NEDD4L: variants seen among roughly 807,000 people sequenced by gnomAD.
NEDD4L encodes the protein NEDD4 like E3 ubiquitin protein ligase.
A neutral mutation model predicts 148.9 loss-of-function variants in NEDD4L; 54 were observed. That is an observed-to-expected ratio of 0.36 (90% CI 0.29 to 0.45). NEDD4L has a LOEUF of 0.45. Among genes scored for constraint, NEDD4L ranks in the 20% least tolerant of loss-of-function variants. The pLI is 1.00. For missense variants in NEDD4L, 856 were observed against 1,233.8 expected (o/e 0.69, Z 4.59); for synonymous variants, 433 against 440.7 (o/e 0.98, Z 0.22).
chr18:58,117,635 G>A (rs1357272134), intron 1 of NEDD4L, among the ~76,000 whole-genome samples: 1 of 152,204 alleles, frequency 6.6e-6, no homozygotes, highest in East Asian at 1.9e-4. Flanking sequence ...GCAATAGGGG[G>A]AGGTGTGGGC....
intron 24 of NEDD4L, among the ~76,000 whole-genome samples, chr18:58,382,474 G>A (rs1328609408): frequency 6.6e-6 from 1 of 152,222 alleles, no homozygotes; most frequent in Admixed American, 6.5e-5. Context: ...TAGGAGAGGT[G>A]TAGGTGCTAT....
At chr18:58,294,886 CAG>C (rs1477015095) in intron 5 of NEDD4L, among the ~76,000 whole-genome samples, 1 of 152,126 alleles carries the variant, frequency 6.6e-6, no homozygotes, top group Non-Finnish European at 1.5e-5. Flanking sequence ...ACAATAAAAA[CAG>C]AGCAGATACA....
chr18:58,328,956 A>C (rs769610951), intron 9 of NEDD4L, 39 bp from the exon 10 acceptor site: 18 of 1,612,444 alleles, frequency 1.1e-5, no homozygotes, highest in Non-Finnish European at 1.3e-5. Flanking sequence ...GATCTCAACC[A>C]CTTCTCTTCT....
intron 1 of NEDD4L, among the ~76,000 whole-genome samples, chr18:58,096,249 G>A (rs2084384876): frequency 6.6e-6 from 1 of 151,798 alleles, no homozygotes; most frequent in Non-Finnish European, 1.5e-5. Flanking sequence ...TTTGAATATT[G>A]AATCAATTAC....
At chr18:58,173,512 C>T (rs1288584728) in intron 2 of NEDD4L, among the ~76,000 whole-genome samples, 2 of 152,152 alleles carry the variant, frequency 1.3e-5, no homozygotes, top group Non-Finnish European at 2.9e-5. Context: ...GGCAGAAAGT[C>T]CTTCTGCTGC....
At position 58,341,235 on chromosome 18, in the gene NEDD4L, C is replaced by G. The variant is rs950938304; in HGVS notation, c.1257+66C>G. 3.9e-5 allele frequency: 60 copies of G among 1,554,976 alleles called. 1 individual carries two copies. The highest frequency in any genetic ancestry group is 5.1e-5 in the Non-Finnish European group (58 of 1,145,308). On this transcript the variant is annotated intron_variant, in intron 14 of 30. Transcript: ENST00000400345. Reference sequence around the variant, plus strand: ...AAGCCGAAATGTACATGACCGAACTCCTTTCCTGGTGTTTATGTATTGTTC... The same window carrying G: ...AAGCCGAAATGTACATGACCGAACTGCTTTCCTGGTGTTTATGTATTGTTC...
chr18:58,094,716 T>C (rs565059797), intron 1 of NEDD4L, among the ~76,000 whole-genome samples: 7 of 152,178 alleles, frequency 4.6e-5, no homozygotes, highest in African/African-American at 1.7e-4. Context: ...ATCATTTTGC[T>C]GAGTGGAGTG....
intron 1 of NEDD4L, among the ~76,000 whole-genome samples, chr18:58,094,212 T>TCTC (rs924692382): frequency 6.6e-6 from 1 of 150,908 alleles, no homozygotes; most frequent in Non-Finnish European, 1.5e-5. Context: ...TGAGATAGGG[T>TCTC]CTCCATCTGT....
rs1402302271 is a variant in NEDD4L at position 58,391,530 on chromosome 18, T to C, written c.2796T>C (p.Ser932=). The change falls in exon 30 of 31, where the codon AGT becomes AGC. Residue 932 remains serine (S), a synonymous_variant. Transcript: ENST00000400345. ...PQLFTIEQWG[S]PEKLPRAHTC... is the part of the protein sequence containing the mutation. ...TGTTTACAATAGAGCAATGGGGCAG[T>C]CCTGAGAAACTGCCCAGAGCTCACA... 1 of 1,582,002 alleles carries C rather than the reference T, an allele frequency of 6.3e-7. No individual in the cohort carries two copies. The highest frequency in any genetic ancestry group is 1.8e-5 in the Admixed American group (1 of 55,466).
intron 24 of NEDD4L, among the ~76,000 whole-genome samples, chr18:58,382,238 A>G (rs2048440787): frequency 6.6e-6 from 1 of 152,168 alleles, no homozygotes; most frequent in African/African-American, 2.4e-5. Flanking sequence ...GGGGCTCAGG[A>G]TCTCCTGGGT....
At chr18:58,149,519 A>G (rs1599115843) in intron 1 of NEDD4L, 3 of 1,551,304 alleles carry the variant, frequency 1.9e-6, no homozygotes, top group African/African-American at 2.7e-5. Flanking sequence ...TAAACCTTTA[A>G]TATTGTATTC....
At position 58,150,247 on chromosome 18, in the gene NEDD4L, G is replaced by A. The variant is rs559728481; in HGVS notation, c.49-15541G>A. The stretch of plus-strand genomic sequence containing the variant: ...GTTTTTATTAAATGTTGTTGTTATT[G>A]TTTTGAGACGGAGTTTCACTCTTGT... On this transcript the variant is annotated intron_variant, in intron 1 of 30. Transcript: ENST00000400345. Among the ~76,000 whole-genome samples, 3 of 152,288 alleles carry A rather than the reference G, an allele frequency of 2.0e-5. No individual in the cohort carries two copies. The South Asian group carries it at 6.2e-4, about 32-fold the overall frequency.
chr18:58,198,539 G>C (rs970634186), intron 2 of NEDD4L, among the ~76,000 whole-genome samples: 3 of 152,124 alleles, frequency 2.0e-5, no homozygotes, highest in Admixed American at 2.0e-4. Context: ...TGGAGTGTCG[G>C]GGAGCTGGGG....
Position 58,256,388 on chromosome 18 carries a change from C to A in NEDD4L, c.297+4334C>A. 1 of 1,232,336 alleles carries A rather than the reference C, an allele frequency of 8.1e-7. No individual in the cohort carries two copies. Among genetic ancestry groups the A allele is most frequent in the Non-Finnish European group, 1.0e-6 (1 of 988,108 alleles). 76.3% of individuals were successfully genotyped at this position (1,232,336 alleles called of 1,614,324 possible). ...TTTTGTCTTCCAGTTGCAGCAGCCC[C>A]AACAAGGCGCTTCGGGGCCAGGCAG... On this transcript the variant is annotated intron_variant, in intron 5 of 30. Transcript: ENST00000400345. This position sits in a 1 kb window ranked among gnomAD's most constrained non-coding sequence, Gnocchi z 5.2.
At chr18:58,168,802 C>A (rs2037188674) in intron 2 of NEDD4L, among the ~76,000 whole-genome samples, 1 of 152,168 alleles carries the variant, frequency 6.6e-6, no homozygotes. Context: ...TGGTAGAAAT[C>A]CTGTAGACAA....
intron 5 of NEDD4L, among the ~76,000 whole-genome samples, chr18:58,272,757 T>G (rs1276144182): frequency 6.6e-6 from 1 of 152,238 alleles, no homozygotes; most frequent in African/African-American, 2.4e-5. Context: ...TAAGGGACAC[T>G]TCTGAATTCC....
At chr18:58,352,373 G>A (rs993397413) in intron 18 of NEDD4L, among the ~76,000 whole-genome samples, 2 of 152,078 alleles carry the variant, frequency 1.3e-5, no homozygotes, top group African/African-American at 4.8e-5. Context: ...AATAGTTTCC[G>A]GCTTGGTGCA....
chr18:58,236,261 G>A lies in NEDD4L; in HGVS notation c.123-9166G>A, dbSNP rs147474576. On this transcript the variant is annotated intron_variant, in intron 2 of 30. Transcript: ENST00000400345. ...AGTCCCAGCTACTCAGGAGGCTGAG[G>A]TGGGAGGATCGCTTGAGCCCAGGAG... 5.3e-3 allele frequency among the ~76,000 whole-genome samples: 813 copies of A among 152,042 alleles called. 15 individuals carry two copies. Among genetic ancestry groups the A allele is most frequent in the African/African-American group, 0.019 (791 of 41,472 alleles).
chr18:58,234,051 T>TTCTC (rs1491229082), intron 2 of NEDD4L, among the ~76,000 whole-genome samples: 2 of 72,124 alleles, frequency 2.8e-5, no homozygotes, highest in African/African-American at 1.1e-4. Context: ...TTCCTTTTCT[T>TTCTC]TCTTTCTTTC....
Sources: gnomAD v4.1 joint callset for allele counts (sites outside exome capture counted in the v4.1 genomes callset) on GRCh38, gnomAD v4.1.1 for gene constraint, Gnocchi (gnomAD v3.1) non-coding constraint, MANE v1.5 for transcripts, NCBI Gene and HGNC (gene_info 2026-07-23, HGNC 2026-07-21) for gene names.